Variants in DLGAP2 observed in about 807,000 individuals in gnomAD.
DLGAP2 encodes the protein DLG associated protein 2.
In DLGAP2, 26 loss-of-function variants were observed where a neutral mutation model predicts 100.3. That is an observed-to-expected ratio of 0.26 (90% CI 0.19 to 0.36). The LOEUF is 0.36. Ranked by LOEUF, DLGAP2 falls within the 10% of genes least tolerant of loss-of-function variation. The pLI is 1.00. For synonymous variants in DLGAP2, 886 were observed against 630.1 expected (o/e 1.41, Z -6.08); for missense variants, 1,858 against 1,453.2 (o/e 1.28, Z -4.53).
intron 5 of DLGAP2, among the ~76,000 whole-genome samples, chr8:1,563,272 T>C (rs181414124): frequency 1.4e-3 from 39 of 28,688 alleles, no homozygotes; most frequent in South Asian, 2.6e-3. Flanking sequence ...GTTGGGTGTC[T>C]GCGCCTCGTT....
At chr8:1,420,125 A>C (rs948290662) in intron 3 of DLGAP2, among the ~76,000 whole-genome samples, 3 of 152,016 alleles carry the variant, frequency 2.0e-5, no homozygotes, top group African/African-American at 7.3e-5. Context: ...TGGGGTCGGG[A>C]GGGGCTGGAA....
chr8:1,053,319 T>C (rs1414869195), intron 2 of DLGAP2, among the ~76,000 whole-genome samples: 1 of 152,032 alleles, frequency 6.6e-6, no homozygotes, highest in Non-Finnish European at 1.5e-5. Context: ...CATAAGATGG[T>C]TATAAAGTTT....
At chr8:993,811 T>G (rs1452706113) in intron 2 of DLGAP2, among the ~76,000 whole-genome samples, 1 of 91,548 alleles carries the variant, frequency 1.1e-5, no homozygotes, top group African/African-American at 4.1e-5. Flanking sequence ...TTTTTTTTTT[T>G]GGTGTGTGTT....
chr8:1,287,285 T>TAGGAGGGGAACTA (rs1799946877), intron 3 of DLGAP2, among the ~76,000 whole-genome samples: 2 of 101,330 alleles, frequency 2.0e-5, no homozygotes, highest in Admixed American at 1.0e-4. Context: ...TGTGTGTGGT[T>TAGGAGGGGAACTA]GTTAGGAGGG....
chr8:849,849 G>T (rs11137106), intron 1 of DLGAP2, among the ~76,000 whole-genome samples: 19,113 of 152,042 alleles, frequency 0.13, 1,423 homozygotes, highest in East Asian at 0.25. Context: ...AGGCCAAGGT[G>T]GGCCAGGAGT....
At chr8:1,670,287 G>A (rs577223923) in intron 10 of DLGAP2, among the ~76,000 whole-genome samples, 7 of 152,208 alleles carry the variant, frequency 4.6e-5, no homozygotes, top group Non-Finnish European at 8.8e-5. Context: ...CAGCACGCTC[G>A]GCACAGTGCC....
chr8:1,589,463 G>T (rs1222769629), intron 6 of DLGAP2, among the ~76,000 whole-genome samples: 4 of 152,110 alleles, frequency 2.6e-5, no homozygotes, highest in African/African-American at 9.7e-5. Context: ...TTGAGGTAGG[G>T]TCTTGCTGTG....
chr8:1,209,726 A>G (rs570270432), intron 2 of DLGAP2, among the ~76,000 whole-genome samples: 1 of 152,298 alleles, frequency 6.6e-6, no homozygotes, highest in East Asian at 1.9e-4. Flanking sequence ...AAAGGAAAAC[A>G]TTTAAAGGTG....
At chr8:1,187,860 A>G (rs1797545450) in intron 2 of DLGAP2, among the ~76,000 whole-genome samples, 1 of 107,726 alleles carries the variant, frequency 9.3e-6, no homozygotes, top group Admixed American at 8.7e-5. Flanking sequence ...CACACCCGGG[A>G]CCCCCGTGAC....
chr8:1,350,257 AGCATGTGTGGAACGGCCGTGCGGGTC>A (rs1801680972), intron 3 of DLGAP2, among the ~76,000 whole-genome samples: 3 of 98,372 alleles, frequency 3.0e-5, no homozygotes, highest in Admixed American at 1.0e-4. Context: ...GCGGGTCCTG[AGCATGTGTGGAACGGCCGTGCGGGTC>A]CTGAGCGTGC....
At chr8:1,217,256 T>C (rs1401316862) in intron 2 of DLGAP2, among the ~76,000 whole-genome samples, 1 of 152,214 alleles carries the variant, frequency 6.6e-6, no homozygotes, top group Non-Finnish European at 1.5e-5. Flanking sequence ...TAATGGCCTC[T>C]AGCTGCCTCC....
chr8:1,452,009 G>A (rs192963812), intron 3 of DLGAP2, among the ~76,000 whole-genome samples: 159 of 152,332 alleles, frequency 1.0e-3, no homozygotes, highest in African/African-American at 3.5e-3. Flanking sequence ...CCGGAACTGC[G>A]GTTTCTGCCG....
At chr8:1,419,872 T>C (rs1453585485) in intron 3 of DLGAP2, among the ~76,000 whole-genome samples, 1 of 152,102 alleles carries the variant, frequency 6.6e-6, no homozygotes, top group African/African-American at 2.4e-5. Context: ...AAAGAAATGG[T>C]ATCAGAGCTG....
At chr8:1,700,819 C>G (rs1236054548) in intron 14 of DLGAP2, among the ~76,000 whole-genome samples, 1 of 152,212 alleles carries the variant, frequency 6.6e-6, no homozygotes. Flanking sequence ...AAAACCCTCG[C>G]GATGCTCGGA....
chr8:1,130,836 C>T (rs1796277709), intron 2 of DLGAP2, among the ~76,000 whole-genome samples: 1 of 140,510 alleles, frequency 7.1e-6, no homozygotes, highest in African/African-American at 2.5e-5. Context: ...CGGAGATGGG[C>T]CTCCCTGATG....
At chr8:1,631,929 G>A (rs1277796731) in intron 7 of DLGAP2, among the ~76,000 whole-genome samples, 5 of 152,206 alleles carry the variant, frequency 3.3e-5, no homozygotes, top group Non-Finnish European at 7.3e-5. Flanking sequence ...TAAAGGAAAA[G>A]AACTAATCTG....
intron 6 of DLGAP2, among the ~76,000 whole-genome samples, chr8:1,618,339 G>A (rs2957086): frequency 0.56 from 84,934 of 152,030 alleles, 23,815 homozygotes; most frequent in Middle Eastern, 0.68. Flanking sequence ...GGAAAATGCA[G>A]TTAGTTTTAA....
intron 3 of DLGAP2, among the ~76,000 whole-genome samples, chr8:1,288,190 AGTGTGTGTGT>A (rs1179699312): frequency 3.2e-5 from 3 of 93,646 alleles, no homozygotes; most frequent in Admixed American, 1.2e-4. Flanking sequence ...GTTTCGGTTG[AGTGTGTGTGT>A]GTGTGTGTGT....
intron 2 of DLGAP2, among the ~76,000 whole-genome samples, chr8:1,252,055 T>C (rs963561662): frequency 6.9e-6 from 1 of 145,876 alleles, no homozygotes. Flanking sequence ...CATGTCACAC[T>C]TGTCACACTG....
Sources: allele counts gnomAD v4.1 joint callset (sites outside exome capture counted in the v4.1 genomes callset), GRCh38; gene constraint gnomAD v4.1.1; transcripts MANE v1.5; gene names NCBI Gene and HGNC (gene_info 2026-07-23, HGNC 2026-07-21).